ADGRD1: variants seen among roughly 807,000 people sequenced by gnomAD.
The protein encoded by ADGRD1 is adhesion G protein-coupled receptor D1, also known as G-protein coupled receptor 133.
ADGRD1 carries 77 observed loss-of-function variants against 113.4 expected under a neutral mutation model. That is an observed-to-expected ratio of 0.68 (90% confidence interval 0.57 to 0.82). The LOEUF (loss-of-function observed/expected upper bound fraction) is 0.82. Ranked by LOEUF, ADGRD1 falls within the 40% of genes least tolerant of loss-of-function variation. The pLI, the probability that ADGRD1 is intolerant of heterozygous loss-of-function variation, is 0.00. For synonymous variants in ADGRD1, 474 were observed against 475.0 expected (o/e 1.00, Z 0.03); for missense variants, 1,036 against 1,139.1 (o/e 0.91, Z 1.30).
chr12:131,036,195 G>A lies in ADGRD1; in HGVS notation c.1473+21855G>A, dbSNP rs542424183. On this transcript the variant is annotated intron_variant, in intron 13 of 24. Coordinates refer to ENST00000261654, the MANE Select transcript of ADGRD1 (RefSeq NM_198827.5). Reference sequence around the variant, plus strand: ...ACTCACTGGAGGGGGTCTCATTCACGGGAGGCGGGGTCTTAACCACTGCAC... The same window carrying A: ...ACTCACTGGAGGGGGTCTCATTCACAGGAGGCGGGGTCTTAACCACTGCAC... Among the ~76,000 whole-genome samples the A allele has an allele frequency of 3.3e-5, 5 of 152,056 alleles. No individual in the cohort carries two copies. The East Asian group carries it at 9.7e-4, about 29-fold the overall frequency.
chr12:131,086,275 G>A (rs967536971), intron 15 of ADGRD1, among the ~76,000 whole-genome samples: 1 of 152,174 alleles, frequency 6.6e-6, no homozygotes, highest in Non-Finnish European at 1.5e-5. Flanking sequence ...CTGTTGACCA[G>A]GAGACAGAAC....
chr12:131,003,836 C>T lies in ADGRD1; in HGVS notation c.1145-350C>T, dbSNP rs974235232. On this transcript the variant is annotated intron_variant, in intron 10 of 24. Coordinates refer to ENST00000261654, the MANE Select transcript of ADGRD1 (RefSeq NM_198827.5). The surrounding 1 kb of genome is among the most constrained non-coding windows in gnomAD (Gnocchi z 4.8). Reference sequence around the variant, plus strand: ...CGCAGTTTGTTGGCCGTGTTGCCCTCGCCTGCTGCGCTTGGGGAGGAGCCG... The same window carrying T: ...CGCAGTTTGTTGGCCGTGTTGCCCTTGCCTGCTGCGCTTGGGGAGGAGCCG... Among the ~76,000 whole-genome samples the T allele has an allele frequency of 2.0e-5, 3 of 152,172 alleles. No homozygotes were observed. Among genetic ancestry groups the T allele is most frequent in the South Asian group, 2.1e-4 (1 of 4,830 alleles).
Position 130,971,557 on chromosome 12 carries a change from A to G in ADGRD1, c.287A>G (p.Lys96Arg), listed in dbSNP as rs1211161521. The G allele has an allele frequency of 6.2e-7, 1 of 1,613,098 alleles. No individual in the cohort carries two copies. The highest frequency in any genetic ancestry group is 8.5e-7 in the Non-Finnish European group (1 of 1,179,516). ...AGGTACAACAGCTCCTGCATCAGCA[A>G]GCCAGAGCAGTGTGGCCCTGAAGGT... ...YGRYNSSCIS[K>R]PEQCGPEGVT... The change falls in exon 4 of 25, where the codon AAG (lysine) becomes AGG (arginine). Residue 96 changes from lysine (K) to arginine (R), a missense_variant. Lys to Arg is a conservative substitution (Grantham distance 26). Coordinates refer to ENST00000261654, the MANE Select transcript of ADGRD1 (RefSeq NM_198827.5). The surrounding 1 kb of genome is among the most constrained non-coding windows in gnomAD (Gnocchi z 4.2).
In ADGRD1 at chr12:131,141,100, A is replaced by G. The variant is rs1217530353; in HGVS notation, c.*1837A>G. ...GAAGTGAGAACACTGTATTCCTACA[A>G]TGTACACTTGGATATTTCTCCTTAT... On this transcript the variant is annotated 3_prime_UTR_variant, in exon 25 of 25. Transcript: ENST00000261654. 6.6e-6 allele frequency: 1 copy of G among 152,252 alleles called. No homozygotes were observed. Among genetic ancestry groups the G allele is most frequent in the Non-Finnish European group, 1.5e-5 (1 of 68,036 alleles). 9.4% of individuals were successfully genotyped at this position (152,252 alleles called of 1,614,324 possible). A position where few individuals can be genotyped will look rare whatever the true frequency, so the allele number is the denominator to read the frequency against.
intron 4 of ADGRD1, among the ~76,000 whole-genome samples, chr12:130,972,780 G>A (rs1197056172): frequency 6.6e-6 from 1 of 152,044 alleles, no homozygotes; most frequent in African/African-American, 2.4e-5. Context: ...CTTTGGAGTA[G>A]AGGCATCCAG....
chr12:130,996,476 C>T lies in ADGRD1; in HGVS notation c.967-3907C>T, dbSNP rs1256782236. 1.6e-4 allele frequency among the ~76,000 whole-genome samples: 18 copies of T among 113,752 alleles called. 1 individual carries two copies. The highest frequency in any genetic ancestry group is 1.5e-3 in the East Asian group (6 of 4,030). 74.6% of individuals were successfully genotyped at this position (113,752 alleles called of 152,430 possible). A position where few individuals can be genotyped will look rare whatever the true frequency, so the allele number is the denominator to read the frequency against. On this transcript the variant is annotated intron_variant, in intron 8 of 24. Coordinates refer to ENST00000261654, the MANE Select transcript of ADGRD1 (RefSeq NM_198827.5). ...GGGGCTCCTCACTTCCCAGTAGGGG[C>T]GGCCGGGCAGAGGCGCCCCTCACCT...
rs532813132 is a variant in ADGRD1 at position 131,065,484 on chromosome 12, C to G, written c.1474-11317C>G. Among the ~76,000 whole-genome samples the G allele has an allele frequency of 4.9e-4, 75 of 152,360 alleles. 1 individual carries two copies. The highest frequency in any genetic ancestry group is 1.6e-3 in the African/African-American group (68 of 41,586). On this transcript the variant is annotated intron_variant, in intron 13 of 24. Transcript: ENST00000261654. ...CCCTCTGGAGACAGAACCGGAGTCA[C>G]CCCTGTCCCGTGGGAGGAGGCGTCA...
rs1871671598 is a variant in ADGRD1, at chr12:130,971,598, G to A, written c.310+18G>A. On this transcript the variant is annotated intron_variant, in intron 4 of 24. Coordinates refer to ENST00000261654, the MANE Select transcript of ADGRD1 (RefSeq NM_198827.5). This position sits in a 1 kb window ranked among gnomAD's most constrained non-coding sequence, Gnocchi z 4.2. Reference sequence around the variant, plus strand: ...CCCTGAAGGTGAGTGGCTGATCCCTGCGGCATCTTTGTCAAGCATTTCATT... The same window carrying A: ...CCCTGAAGGTGAGTGGCTGATCCCTACGGCATCTTTGTCAAGCATTTCATT... The A allele has an allele frequency of 6.3e-7, 1 of 1,585,784 alleles. No homozygotes were observed. The highest frequency in any genetic ancestry group is 2.3e-5 in the East Asian group (1 of 43,426).
intron 15 of ADGRD1, among the ~76,000 whole-genome samples, chr12:131,098,090 G>T (rs976479606): frequency 7.2e-5 from 2 of 27,928 alleles, no homozygotes; most frequent in Admixed American, 6.3e-4. Context: ...TCTGCTGGTG[G>T]CCCGGCCTGG....
chr12:131,086,737 G>C (rs774898556), intron 15 of ADGRD1, among the ~76,000 whole-genome samples: 1 of 152,226 alleles, frequency 6.6e-6, no homozygotes. Flanking sequence ...AGCTGCTCAC[G>C]TGAGCGCGTA....
chr12:131,134,286 C>T (rs966380433), intron 21 of ADGRD1, among the ~76,000 whole-genome samples: 2 of 152,122 alleles, frequency 1.3e-5, no homozygotes, highest in African/African-American at 4.8e-5. Context: ...GAAAGCACAC[C>T]CCCTGCCTAG....
intron 6 of ADGRD1, chr12:130,988,451 G>A (rs766610829): frequency 6.6e-6 from 1 of 152,236 alleles, no homozygotes; most frequent in Non-Finnish European, 1.5e-5. Flanking sequence ...AAAGGCCTGA[G>A]TTCCAGACGC....
intron 13 of ADGRD1, among the ~76,000 whole-genome samples, chr12:131,036,718 C>T (rs1437614026): frequency 7.5e-6 from 1 of 133,618 alleles, no homozygotes; most frequent in African/African-American, 2.7e-5. Flanking sequence ...ACTCACCGCA[C>T]CGGGCCTCAC....
Position 131,131,659 on chromosome 12 carries a change from C to A in ADGRD1, c.2176-66C>A, listed in dbSNP as rs377039961. The A allele has an allele frequency of 7.8e-6, 9 of 1,149,296 alleles. No homozygotes were observed. The Admixed American group carries it at 9.5e-5, about 12-fold the overall frequency. The allele number at this position is 1,149,296 out of a possible 1,614,324, so 71.2% of individuals were successfully genotyped here. A position where few individuals can be genotyped will look rare whatever the true frequency, so the allele number is the denominator to read the frequency against. Reference sequence around the variant, plus strand: ...GCCTGTGGTGAGGGCAGTGGCCAGGCGGACGCAGCTCTCCTGCAGGTGCAG... The same window carrying A: ...GCCTGTGGTGAGGGCAGTGGCCAGGAGGACGCAGCTCTCCTGCAGGTGCAG... On this transcript the variant is annotated intron_variant, in intron 20 of 24. Transcript: ENST00000261654.
chr12:131,097,461 T>G (rs1887372010), intron 15 of ADGRD1, among the ~76,000 whole-genome samples: 1 of 152,198 alleles, frequency 6.6e-6, no homozygotes, highest in Non-Finnish European at 1.5e-5. Context: ...GTCCCCGGGC[T>G]GTCGGTTCAT....
At chr12:131,030,076 C>T (rs1331314112) in intron 13 of ADGRD1, among the ~76,000 whole-genome samples, 2 of 144,642 alleles carry the variant, frequency 1.4e-5, no homozygotes, top group Non-Finnish European at 3.0e-5. Context: ...GTTGTGGACC[C>T]GTCGTAGGTG....
At chr12:131,018,441 C>T (rs555699025) in intron 13 of ADGRD1, among the ~76,000 whole-genome samples, 5 of 151,124 alleles carry the variant, frequency 3.3e-5, no homozygotes, top group African/African-American at 7.3e-5. Context: ...TTCATCCCCG[C>T]GGTTTCCCAC....
At chr12:131,030,900 C>G (rs1386147723) in intron 13 of ADGRD1, 5 of 152,234 alleles carry the variant, frequency 3.3e-5, no homozygotes, top group Non-Finnish European at 4.4e-5. Flanking sequence ...GCATCTGCAG[C>G]CTGTTGTTCT....
chr12:131,044,792 G>A (rs1283717300), intron 13 of ADGRD1, among the ~76,000 whole-genome samples: 2 of 152,224 alleles, frequency 1.3e-5, no homozygotes, highest in Non-Finnish European at 2.9e-5. Flanking sequence ...GAGCCGCAGC[G>A]GCGCTCTGGG....
Sources: allele counts gnomAD v4.1 joint callset (sites outside exome capture counted in the v4.1 genomes callset), GRCh38; gene constraint gnomAD v4.1.1; non-coding constraint Gnocchi (gnomAD v3.1); transcripts MANE v1.5; gene names NCBI Gene and HGNC (gene_info 2026-07-23, HGNC 2026-07-21).